Variants in ELP3 observed in about 807,000 individuals in gnomAD.
ELP3 encodes elongator acetyltransferase complex subunit 3.
Under a neutral mutation model 74.9 loss-of-function variants are expected in ELP3, and 56 were observed. The observed-to-expected ratio is 0.75, with a 90% CI of 0.60 to 0.93. The LOEUF (loss-of-function observed/expected upper bound fraction) is 0.93. Ranked by LOEUF, ELP3 falls within the 40% of genes least tolerant of loss-of-function variation. The pLI, the probability that ELP3 is intolerant of heterozygous loss-of-function variation, is 0.00. For missense variants in ELP3, 573 were observed against 686.5 expected, an observed-to-expected ratio of 0.83 and a Z score of 1.85; for synonymous variants, 222 against 239.8, an observed-to-expected ratio of 0.93 and a Z score of 0.68.
rs1347274397 is a variant in ELP3 at position 28,189,886 on chromosome 8, G to T, written c.*161G>T. 1.4e-6 allele frequency: 1 copy of T among 697,354 alleles called. No homozygotes were observed. Among genetic ancestry groups the T allele is most frequent in the African/African-American group, 1.8e-5 (1 of 55,998 alleles). The allele number at this position is 697,354 out of a possible 1,614,324, so 43.2% of individuals were successfully genotyped here. A position where few individuals can be genotyped will look rare whatever the true frequency, so the allele number is the denominator to read the frequency against. ...GAAACTGCCTTCAAGGCCACGGCTG[G>T]TCATCTGCTGACCACACCCCAGATC... On this transcript the variant is annotated 3_prime_UTR_variant, in exon 15 of 15. Transcript: ENST00000256398.
chr8:28,170,732 A>G (rs544109675), intron 14 of ELP3, among the ~76,000 whole-genome samples: 72 of 152,302 alleles, frequency 4.7e-4, no homozygotes, highest in Non-Finnish European at 8.1e-4. Context: ...TTGATAAATC[A>G]TAGGTAAAGT....
rs139371669 is a variant in ELP3 at position 28,147,039 on chromosome 8, C to A, written c.1101-8903C>A. Among the ~76,000 whole-genome samples the A allele has an allele frequency of 6.6e-6, 1 of 152,076 alleles. No individual in the cohort carries two copies. The highest frequency in any genetic ancestry group is 2.4e-5 in the African/African-American group (1 of 41,394). On this transcript the variant is annotated intron_variant, in intron 10 of 14. Coordinates refer to ENST00000256398, the MANE Select transcript of ELP3 (RefSeq NM_018091.6). The surrounding 1 kb of genome is among the most constrained non-coding windows in gnomAD (Gnocchi z 4.5). Reference sequence around the variant, plus strand: ...ACTTGGCTTAATATTCTGCTGTCACCGTCTTGAAATTATTAATAATTTTTT... The same window carrying A: ...ACTTGGCTTAATATTCTGCTGTCACAGTCTTGAAATTATTAATAATTTTTT...
At chr8:28,175,234 T>C (rs1417824879) in intron 14 of ELP3, among the ~76,000 whole-genome samples, 1 of 152,166 alleles carries the variant, frequency 6.6e-6, no homozygotes, top group African/African-American at 2.4e-5. Context: ...TTCTACCCTT[T>C]ATGTCTCTCA....
At chr8:28,186,274 C>G (rs1408343131) in intron 14 of ELP3, among the ~76,000 whole-genome samples, 1 of 152,068 alleles carries the variant, frequency 6.6e-6, no homozygotes, top group African/African-American at 2.4e-5. Context: ...AGTTGTACCA[C>G]AGTGTGAATG....
chr8:28,139,645 A>G (rs1006779291), intron 10 of ELP3, among the ~76,000 whole-genome samples: 2 of 152,294 alleles, frequency 1.3e-5, no homozygotes, highest in Middle Eastern at 3.4e-3. Context: ...TGTATTAGAT[A>G]TCAATAAATA....
chr8:28,156,421 A>T (rs74793746), intron 11 of ELP3, among the ~76,000 whole-genome samples: 12 of 152,236 alleles, frequency 7.9e-5, no homozygotes, highest in African/African-American at 2.9e-4. Context: ...CAAAACTGCT[A>T]TTGCCCCACA....
At position 28,189,912 on chromosome 8, in the gene ELP3, C is replaced by T. The variant is rs561914812; in HGVS notation, c.*187C>T. On this transcript the variant is annotated 3_prime_UTR_variant, in exon 15 of 15. Coordinates refer to ENST00000256398, the MANE Select transcript of ELP3 (RefSeq NM_018091.6). ...TCATCTGCTGACCACACCCCAGATC[C>T]GCCCTCTCCTGCGTGCACCCCAAAA... is the stretch of plus-strand genomic sequence containing the variant. The T allele has an allele frequency of 4.6e-5, 26 of 566,628 alleles. No individual in the cohort carries two copies. The East Asian group carries it at 5.9e-4, about 13-fold the overall frequency. 35.1% of individuals were successfully genotyped at this position (566,628 alleles called of 1,614,324 possible).
At chr8:28,111,306 T>C (rs984728471) in intron 6 of ELP3, among the ~76,000 whole-genome samples, 1 of 152,248 alleles carries the variant, frequency 6.6e-6, no homozygotes, top group Non-Finnish European at 1.5e-5. Flanking sequence ...ACTATGTACA[T>C]GACCTTGCAG....
In ELP3 at chr8:28,160,158, A is replaced by G. The variant is rs1385562456; in HGVS notation, c.1258-71A>G. The G allele has an allele frequency of 2.9e-6, 4 of 1,361,372 alleles. No homozygotes were observed. The Admixed American group carries it at 6.2e-5, about 21-fold the overall frequency. The allele number at this position is 1,361,372 out of a possible 1,614,324, so 84.3% of individuals were successfully genotyped here. On this transcript the variant is annotated intron_variant, in intron 12 of 14. Transcript: ENST00000256398. ...TAACTAGATATTAACCTAAATAAAT[A>G]CATACAATTACAAAAATGAATTTGG...
upstream of ELP3, among the ~76,000 whole-genome samples, chr8:28,090,904 CTTTT>C (rs71222535): frequency 2.6e-5 from 2 of 77,384 alleles, no homozygotes; most frequent in African/African-American, 4.1e-5. Context: ...TAAATGTTTC[CTTTT>C]TTTTTTTTTT....
chr8:28,134,385 G>C (rs1329662754), intron 9 of ELP3, among the ~76,000 whole-genome samples: 2 of 152,164 alleles, frequency 1.3e-5, no homozygotes, highest in Non-Finnish European at 2.9e-5. Context: ...TTATTTGCTT[G>C]TTTGTAGTCT....
chr8:28,121,555 G>A (rs1039831818), intron 7 of ELP3, among the ~76,000 whole-genome samples: 2 of 151,938 alleles, frequency 1.3e-5, no homozygotes, highest in African/African-American at 4.8e-5. Context: ...CCCGGCCTCA[G>A]GTGATCCGCC....
At chr8:28,096,831 A>T (rs1342696433) in intron 1 of ELP3, among the ~76,000 whole-genome samples, 2 of 152,222 alleles carry the variant, frequency 1.3e-5, no homozygotes, top group Non-Finnish European at 2.9e-5. Flanking sequence ...AATGTTCTTT[A>T]TGAACTCTAA....
intron 14 of ELP3, among the ~76,000 whole-genome samples, chr8:28,187,177 A>G (rs10087458): frequency 1 from 152,016 of 152,288 alleles, 75,873 homozygotes; most frequent in Non-Finnish European, 1. Flanking sequence ...GATTCTTTTC[A>G]CTCTGCCTTC....
chr8:28,099,905 C>G lies in ELP3; in HGVS notation c.197C>G (p.Pro66Arg), dbSNP rs1585631654. The change falls in exon 3 of 15, where the codon CCT becomes CGT. Residue 66 changes from proline to arginine, a missense_variant. By Grantham distance (103) the Pro-to-Arg change is moderately radical (BLOSUM62 -2). Transcript: ENST00000256398. ...GTGGATATCATTGCTGCCGTCCCTC[C>G]TCAGTATCGCAAGGTCTTGATGCCC... ...RLVDIIAAVP[P>R]QYRKVLMPKL... 1 of 1,614,222 alleles carries G rather than the reference C, an allele frequency of 6.2e-7. No homozygotes were observed. The highest frequency in any genetic ancestry group is 8.5e-7 in the Non-Finnish European group (1 of 1,180,052).
At chr8:28,137,977 G>T in intron 10 of ELP3, 86 bp downstream of exon 10, 1 of 1,270,638 alleles carries the variant, frequency 7.9e-7, no homozygotes, top group Non-Finnish European at 1.0e-6. Context: ...TCATATTGAG[G>T]GTTTTGGATT....
intron 7 of ELP3, among the ~76,000 whole-genome samples, chr8:28,121,999 A>G (rs1359484713): frequency 1.3e-5 from 2 of 152,180 alleles, no homozygotes; most frequent in Non-Finnish European, 2.9e-5. Flanking sequence ...ATTAGATTGA[A>G]TAAGTTTATT....
chr8:28,133,378 C>T (rs73668104), intron 9 of ELP3, among the ~76,000 whole-genome samples: 4,149 of 148,488 alleles, frequency 0.028, 213 homozygotes, highest in African/African-American at 0.097. Flanking sequence ...TTTTCCTTAA[C>T]CTATTGTTGA....
chr8:28,128,657 C>A (rs1035057155), intron 7 of ELP3, among the ~76,000 whole-genome samples: 5 of 152,190 alleles, frequency 3.3e-5, no homozygotes, highest in African/African-American at 1.2e-4. Flanking sequence ...TACTCCCTTT[C>A]AGCTTCAGTT....
Sources: allele counts gnomAD v4.1 joint callset (sites outside exome capture counted in the v4.1 genomes callset), GRCh38; gene constraint gnomAD v4.1.1; non-coding constraint Gnocchi (gnomAD v3.1); transcripts MANE v1.5; gene names NCBI Gene and HGNC (gene_info 2026-07-23, HGNC 2026-07-21).